The following PTGR1 variants were observed in gnomAD, a reference collection of about 807,000 sequenced individuals.
PTGR1 encodes 15-oxoprostaglandin 13-reductase.
A neutral mutation model predicts 37.7 loss-of-function variants in PTGR1; 23 were observed. The observed-to-expected ratio is 0.61, with a 90% CI of 0.44 to 0.86. PTGR1 has a LOEUF of 0.86. Among genes scored for constraint, PTGR1 ranks in the 40% least tolerant of loss-of-function variants. The probability of loss-of-function intolerance (pLI) is 0.00; values close to 1 mark genes in which losing one functional copy is unlikely to be tolerated. For synonymous variants in PTGR1, 134 were observed against 140.0 expected, an observed-to-expected ratio of 0.96 and a Z score of 0.30; for missense variants, 351 against 394.3, an observed-to-expected ratio of 0.89 and a Z score of 0.93.
intron 9 of PTGR1, among the ~76,000 whole-genome samples, chr9:111,550,219 T>A (rs1827900867): frequency 6.6e-6 from 1 of 152,246 alleles, no homozygotes; most frequent in Non-Finnish European, 1.5e-5. Flanking sequence ...TTCACCTAGA[T>A]ACACAGTTTT....
chr9:111,593,311 A>T (rs538363503), intron 3 of PTGR1, among the ~76,000 whole-genome samples: 5 of 152,368 alleles, frequency 3.3e-5, no homozygotes, highest in Non-Finnish European at 5.9e-5. Context: ...CCCAGGCACC[A>T]CTGGGTAGTT....
At chr9:111,551,442 C>G (rs1354817735) in intron 9 of PTGR1, among the ~76,000 whole-genome samples, 9 of 112,856 alleles carry the variant, frequency 8.0e-5, no homozygotes, top group Non-Finnish European at 1.2e-4. Context: ...GAGTCTCACT[C>G]TGTTGCCCAG....
At chr9:111,560,294 C>G (rs1179311793), downstream of PTGR1, among the ~76,000 whole-genome samples, 1 of 151,608 alleles carries the variant, frequency 6.6e-6, no homozygotes, top group Non-Finnish European at 1.5e-5. Flanking sequence ...TCCTGGCCAA[C>G]ACAGGGCGTC....
Position 111,578,970 on chromosome 9 carries a change from A to G in PTGR1, c.496-19T>C. 6.4e-7 allele frequency: 1 copy of G among 1,570,818 alleles called. No homozygotes were observed. Among genetic ancestry groups the G allele is most frequent in the East Asian group, 2.2e-5 (1 of 44,630 alleles). ...TGCAGCCCTAAGTAGAAAAAAAAAA[A>G]AAAAGGAAACCATGAATAAGTCACA... On this transcript the variant is annotated intron_variant, in intron 6 of 9. Coordinates refer to ENST00000407693, the MANE Select transcript of PTGR1 (RefSeq NM_001146108.2).
intron 9 of PTGR1, among the ~76,000 whole-genome samples, chr9:111,552,882 GT>G (rs35682656): frequency 4.6e-5 from 7 of 152,098 alleles, no homozygotes; most frequent in Non-Finnish European, 7.4e-5. Context: ...GACGTTTTCA[GT>G]TTTCATGAAT....
At chr9:111,549,780 T>G (rs766534334) in exon 10 of PTGR1, 2 of 1,546,570 alleles carry the variant, frequency 1.3e-6, no homozygotes, top group South Asian at 2.4e-5. Context: ...GCTTCAATCT[T>G]CTTCATTTTC....
chr9:111,560,636 CAA>C (rs1015199330), downstream of PTGR1, among the ~76,000 whole-genome samples: 9 of 26,292 alleles, frequency 3.4e-4, no homozygotes, highest in African/African-American at 8.5e-4. Context: ...GACACCATCT[CAA>C]AAAAAAAAAA....
At position 111,571,439 on chromosome 9, in the gene PTGR1, GAAT is replaced by G. The variant is rs1828816090; in HGVS notation, c.761-1233_761-1231del. 1.3e-5 allele frequency among the ~76,000 whole-genome samples: 2 copies of G among 149,298 alleles called. 1 individual carries two copies. Among genetic ancestry groups the G allele is most frequent in the Non-Finnish European group, 3.0e-5 (2 of 67,280 alleles). On this transcript the variant is annotated intron_variant, in intron 8 of 9. Transcript: ENST00000407693. ...GAAAAAAAGAAGTAAACAAACAAAAGAATAAACATGTGGGTGTTTTTGTGTCTG... is the reference window on the plus strand; with the variant it reads ...GAAAAAAAGAAGTAAACAAACAAAAGAAACATGTGGGTGTTTTTGTGTCTG...
At chr9:111,571,367 C>T (rs1828812540) in intron 8 of PTGR1, among the ~76,000 whole-genome samples, 1 of 149,668 alleles carries the variant, frequency 6.7e-6, no homozygotes, top group South Asian at 2.2e-4. Flanking sequence ...TGAGATTGCA[C>T]CACTCCACTC....
chr9:111,591,046 C>T (rs985802831), intron 4 of PTGR1, among the ~76,000 whole-genome samples: 2 of 152,074 alleles, frequency 1.3e-5, no homozygotes, highest in Non-Finnish European at 2.9e-5. Context: ...AGTCCCAAAA[C>T]TTTGAGAGGC....
chr9:111,574,594 G>C, intron 8 of PTGR1, 140 bp downstream of exon 8: 1 of 563,950 alleles, frequency 1.8e-6, no homozygotes, highest in East Asian at 3.4e-5. Flanking sequence ...CACAAAGTGA[G>C]ACTCTGTCTT....
At chr9:111,595,075 G>A (rs1253501720) in intron 2 of PTGR1, among the ~76,000 whole-genome samples, 3 of 151,564 alleles carry the variant, frequency 2.0e-5, no homozygotes, top group Non-Finnish European at 2.9e-5. Flanking sequence ...GGCTGGTCTC[G>A]AACTTCTAAC....
chr9:111,552,384 G>T (rs1291244791), intron 9 of PTGR1, among the ~76,000 whole-genome samples: 2 of 152,110 alleles, frequency 1.3e-5, no homozygotes, highest in Admixed American at 6.5e-5. Context: ...TCGTTTCTTG[G>T]AGTCTGCTTC....
At chr9:111,564,781 C>G (rs933712170) in intron 9 of PTGR1, among the ~76,000 whole-genome samples, 1 of 152,072 alleles carries the variant, frequency 6.6e-6, no homozygotes, top group African/African-American at 2.4e-5. Context: ...GTCCTAATCA[C>G]CAGTGCCTGA....
intron 7 of PTGR1, chr9:111,577,435 T>C (rs545238381): frequency 6.6e-6 from 1 of 152,266 alleles, no homozygotes; most frequent in Admixed American, 6.5e-5. Context: ...GAAATTATCA[T>C]ATGACCCAGC....
At chr9:111,596,830 G>C (rs1301241955) in intron 2 of PTGR1, among the ~76,000 whole-genome samples, 1 of 148,764 alleles carries the variant, frequency 6.7e-6, no homozygotes, top group Non-Finnish European at 1.5e-5. Context: ...AGGAGGCTGA[G>C]GCAAGAGAAT....
chr9:111,560,204 G>A (rs1828233126), downstream of PTGR1, among the ~76,000 whole-genome samples: 1 of 151,892 alleles, frequency 6.6e-6, no homozygotes, highest in Non-Finnish European at 1.5e-5. Context: ...AATCAGGCTG[G>A]GCATGGTGGC....
At chr9:111,553,658 A>G (rs1324673501) in intron 9 of PTGR1, among the ~76,000 whole-genome samples, 1 of 152,262 alleles carries the variant, frequency 6.6e-6, no homozygotes, top group Non-Finnish European at 1.5e-5. Context: ...TTATAATACA[A>G]CAGTGTCCTA....
At chr9:111,550,556 A>G (rs530021930) in intron 9 of PTGR1, among the ~76,000 whole-genome samples, 2 of 152,286 alleles carry the variant, frequency 1.3e-5, no homozygotes, top group African/African-American at 4.8e-5. Context: ...CCTAGAAGCT[A>G]CAAGTGTTCA....
Sources: gnomAD v4.1 joint callset for allele counts (sites outside exome capture counted in the v4.1 genomes callset) on GRCh38, gnomAD v4.1.1 for gene constraint, MANE v1.5 for transcripts, NCBI Gene and HGNC (gene_info 2026-07-23, HGNC 2026-07-21) for gene names.